The following SYT8 variants were observed in gnomAD, a reference collection of about 807,000 sequenced individuals.
SYT8 encodes synaptotagmin-8.
Under a neutral mutation model 34.9 loss-of-function variants are expected in SYT8, and 50 were observed. The ratio of observed to expected loss-of-function variants is 1.43; its 90% CI spans 1.14 to 1.81. SYT8 has a LOEUF of 1.81. SYT8 is among the 40% of genes most tolerant of loss of function. The pLI is 0.00. For synonymous variants in SYT8, 255 were observed against 234.2 expected, an observed-to-expected ratio of 1.09 and a Z score of -0.81; for missense variants, 595 against 529.0, an observed-to-expected ratio of 1.12 and a Z score of -1.22.
chr11:1,837,516 C>G lies in SYT8; in HGVS notation c.*85C>G. On this transcript the variant is annotated 3_prime_UTR_variant, in exon 8 of 8. Coordinates refer to ENST00000341958, the MANE Select transcript of SYT8 (RefSeq NM_001394072.1). ...GGACCACTGCAATAAACGCCTTCTC[C>G]TGCCACTGTGTGTCCGGCTGGAGCC... 1 of 1,546,630 alleles carries G rather than the reference C, an allele frequency of 6.5e-7. No homozygotes were observed. The highest frequency in any genetic ancestry group is 8.7e-7 in the Non-Finnish European group (1 of 1,148,718).
chr11:1,831,910 C>T (rs957854086), upstream of SYT8: 29 of 371,530 alleles, frequency 7.8e-5, no homozygotes, highest in African/African-American at 5.7e-4. Context: ...AGAGCATTTA[C>T]ACCTGGGGGG....
Position 1,835,357 on chromosome 11 carries a change from C to T in SYT8, c.156C>T (p.Leu52=), listed in dbSNP as rs752868482. The T allele has an allele frequency of 3.5e-5, 56 of 1,607,268 alleles. No homozygotes were observed. Among genetic ancestry groups the T allele is most frequent in the Non-Finnish European group, 4.6e-5 (54 of 1,179,012 alleles). Reference sequence around the variant, plus strand: ...CGGGCGTCCTCCTCGTCTCCTGCCTCCTCTGTGCTGCCTGCTGCTGCTGCC... The same window carrying T: ...CGGGCGTCCTCCTCGTCTCCTGCCTTCTCTGTGCTGCCTGCTGCTGCTGCC... ...LAAGVLLVSC[L]LCAACCCCRR... The change falls in exon 2 of 8, where the codon CTC becomes CTT. Residue 52 remains leucine (L), a synonymous_variant. Coordinates refer to ENST00000341958, the MANE Select transcript of SYT8 (RefSeq NM_001394072.1).
upstream of SYT8, chr11:1,834,833 C>T (rs891055376): frequency 3.1e-6 from 2 of 642,422 alleles, no homozygotes. The surrounding 1 kb of genome is among the most constrained non-coding windows in gnomAD (Gnocchi z 4.5). Flanking sequence ...GCCCTGCCTG[C>T]TTGGCTGGGG....
Position 1,836,202 on chromosome 11 carries a change from C to T in SYT8, c.434C>T (p.Ser145Phe). The T allele has an allele frequency of 6.3e-7, 1 of 1,586,336 alleles. No homozygotes were observed. The highest frequency in any genetic ancestry group is 8.6e-7 in the Non-Finnish European group (1 of 1,167,932). Residue 145 changes from serine (S) to phenylalanine (F), a missense_variant, in exon 4 of 8, where the codon TCC (serine) becomes TTC (phenylalanine). Ser to Phe is a radical substitution (Grantham distance 155, BLOSUM62 -2). Transcript: ENST00000341958. ...GACCCCTATGCCCGGGTCAGCGTCTCCACCCAGGCCGGACACAGACATGAG... is the reference window on the plus strand; with the variant it reads ...GACCCCTATGCCCGGGTCAGCGTCTTCACCCAGGCCGGACACAGACATGAG... ...TVDPYARVSV[S>F]TQAGHRHETK...
rs763705252 is a variant in SYT8 at position 1,836,577 on chromosome 11, G to A, written c.669G>A (p.Pro223=). 1.4e-5 allele frequency: 22 copies of A among 1,610,720 alleles called. No homozygotes were observed. The highest frequency in any genetic ancestry group is 5.3e-5 in the African/African-American group (4 of 74,918). The part of the protein sequence containing the change: ...HVLEHWYLLG[P]PAATQPEQVG... Reference sequence around the variant, plus strand: ...TGGAGCACTGGTACCTGCTGGGCCCGCCGGCTGCCACTCAGGTGAGGTGCT... The same window carrying A: ...TGGAGCACTGGTACCTGCTGGGCCCACCGGCTGCCACTCAGGTGAGGTGCT... The change falls in exon 5 of 8, where the codon CCG becomes CCA. Residue 223 remains proline, a synonymous_variant. Coordinates refer to ENST00000341958, the MANE Select transcript of SYT8 (RefSeq NM_001394072.1).
At chr11:1,836,690 G>A (rs1005849755) in intron 5 of SYT8, 66 bp from the exon 6 acceptor site, 54 of 1,592,736 alleles carry the variant, frequency 3.4e-5, no homozygotes, top group Non-Finnish European at 4.1e-5. Context: ...CAGCATTTTC[G>A]GGGGTCTGAG....
chr11:1,836,174 G>T lies in SYT8; in HGVS notation c.406G>T (p.Val136Leu). ...QAADLRPGGT[V>L]DPYARVSVST... Reference sequence around the variant, plus strand: ...AGCCGACCTGAGGCCTGGGGGCACCGTGGACCCCTATGCCCGGGTCAGCGT... The same window carrying T: ...AGCCGACCTGAGGCCTGGGGGCACCTTGGACCCCTATGCCCGGGTCAGCGT... Residue 136 changes from valine to leucine, a missense_variant, in exon 4 of 8, where the codon GTG becomes TTG. By Grantham distance (32) the Val-to-Leu change is conservative (BLOSUM62 1). Transcript: ENST00000341958. 1.9e-6 allele frequency: 3 copies of T among 1,549,776 alleles called. No individual in the cohort carries two copies. Among genetic ancestry groups the T allele is most frequent in the South Asian group, 1.2e-5 (1 of 82,300 alleles).
In SYT8 at chr11:1,837,176, G is replaced by T. The variant is rs778399361; in HGVS notation, c.925-16G>T. The T allele has an allele frequency of 3.0e-5, 47 of 1,583,398 alleles. No individual in the cohort carries two copies. In the East Asian group the frequency reaches 9.4e-4, roughly 32 times the overall value. On this transcript the variant is annotated splice_polypyrimidine_tract_variant and intron_variant, in intron 7 of 7. Transcript: ENST00000341958. ...CTTTCTCCCCCAACTCCAACCTCTG[G>T]CCTGTCTCTGCACAGAATGTGGACC...
upstream of SYT8, chr11:1,834,445 C>A: frequency 8.1e-6 from 7 of 868,806 alleles, no homozygotes; most frequent in Non-Finnish European, 1.1e-5. This position sits in a 1 kb window ranked among gnomAD's most constrained non-coding sequence, Gnocchi z 4.5. Context: ...CGGCCCTGAG[C>A]CCCTGCCAGG....
chr11:1,836,181 C>A lies in SYT8; in HGVS notation c.413C>A (p.Pro138His). ...ADLRPGGTVD[P>H]YARVSVSTQA... ...CTGAGGCCTGGGGGCACCGTGGACCCCTATGCCCGGGTCAGCGTCTCCACC... is the reference window on the plus strand; with the variant it reads ...CTGAGGCCTGGGGGCACCGTGGACCACTATGCCCGGGTCAGCGTCTCCACC... Residue 138 changes from proline (P) to histidine (H), a missense_variant, in exon 4 of 8, where the codon CCC becomes CAC. By Grantham distance (77) the Pro-to-His change is moderately conservative (BLOSUM62 -2). Coordinates refer to ENST00000341958, the MANE Select transcript of SYT8 (RefSeq NM_001394072.1). The A allele has an allele frequency of 6.4e-7, 1 of 1,567,884 alleles. No homozygotes were observed. Among genetic ancestry groups the A allele is most frequent in the South Asian group, 1.2e-5 (1 of 84,698 alleles).
upstream of SYT8, among the ~76,000 whole-genome samples, chr11:1,832,770 C>T (rs1335452016): frequency 1.3e-5 from 2 of 152,188 alleles, no homozygotes; most frequent in African/African-American, 4.8e-5. Flanking sequence ...TTCTGGGTGG[C>T]CCCTGTGCTC....
chr11:1,835,924 G>T lies in SYT8; in HGVS notation c.297G>T (p.Gly99=), dbSNP rs751150879. The change falls in exon 3 of 8, where the codon GGG becomes GGT. Residue 99 remains glycine (G), a synonymous_variant. Transcript: ENST00000341958. ...PDVDGLESSP[G]DAQQWGCLQL... ...TGGATGGCCTGGAGTCCAGCCCGGGGGATGCTCAGCAATGGGGGTGCCTGC... is the reference window on the plus strand; with the variant it reads ...TGGATGGCCTGGAGTCCAGCCCGGGTGATGCTCAGCAATGGGGGTGCCTGC... 13 of 1,607,792 alleles carry T rather than the reference G, an allele frequency of 8.1e-6. No homozygotes were observed. Among genetic ancestry groups the T allele is most frequent in the Non-Finnish European group, 1.1e-5 (13 of 1,178,352 alleles).
In SYT8 at chr11:1,836,952, C is replaced by T; in HGVS notation, c.791-5C>T. On this transcript the variant is annotated splice_region_variant and splice_polypyrimidine_tract_variant and intron_variant, in intron 6 of 7. Coordinates refer to ENST00000341958, the MANE Select transcript of SYT8 (RefSeq NM_001394072.1). ...GATGCCCCTTCGGCAACCTTGCCCT[C>T]CCAGAGCCCTACGTGAAGGTCCAGC... 6.2e-7 allele frequency: 1 copy of T among 1,613,552 alleles called. No homozygotes were observed. Among genetic ancestry groups the T allele is most frequent in the South Asian group, 1.1e-5 (1 of 91,078 alleles).
upstream of SYT8, among the ~76,000 whole-genome samples, chr11:1,832,547 A>C (rs1029933438): frequency 2.9e-4 from 44 of 152,146 alleles, no homozygotes; most frequent in African/African-American, 1.1e-3. Context: ...GAGAGCCCCC[A>C]GCGCCCAAGG....
upstream of SYT8, among the ~76,000 whole-genome samples, chr11:1,832,727 C>T (rs1258815266): frequency 6.6e-6 from 1 of 152,132 alleles, no homozygotes; most frequent in Non-Finnish European, 1.5e-5. Flanking sequence ...CGGCAGCCAG[C>T]GCCCCCAGGG....
upstream of SYT8, chr11:1,831,973 G>C: frequency 5.6e-6 from 2 of 355,826 alleles, no homozygotes; most frequent in South Asian, 2.0e-5. Context: ...AAGGGCTCAC[G>C]GAAAGGTGTT....
intron 5 of SYT8, 33 bp downstream of exon 5, chr11:1,836,625 G>T: frequency 6.2e-7 from 1 of 1,603,710 alleles, no homozygotes; most frequent in East Asian, 2.2e-5. Flanking sequence ...ACAGCCCAAG[G>T]CAGAGCTGGC....
rs1353864623 is a variant in SYT8 at position 1,837,066 on chromosome 11, C to T, written c.900C>T (p.Phe300=). ...CCTACTTCAATGAGGCCTTCACCTT[C>T]CTGGTGCCCTTCAGCCAGGTCCAGG... ...AAPYFNEAFT[F]LVPFSQVQNV... Residue 300 remains phenylalanine, a synonymous_variant, in exon 7 of 8, where the codon TTC becomes TTT. Transcript: ENST00000341958. 1 of 1,613,712 alleles carries T rather than the reference C, an allele frequency of 6.2e-7. No homozygotes were observed. Among genetic ancestry groups the T allele is most frequent in the Non-Finnish European group, 8.5e-7 (1 of 1,180,026 alleles).
upstream of SYT8, chr11:1,834,067 A>G (rs1284179227): frequency 1.8e-5 from 3 of 163,570 alleles, no homozygotes; most frequent in African/African-American, 4.8e-5. This position sits in a 1 kb window ranked among gnomAD's most constrained non-coding sequence, Gnocchi z 4.5. Flanking sequence ...GCCAATGTGG[A>G]GGAACAGAGT....
Sources: gnomAD v4.1 joint callset for allele counts (sites outside exome capture counted in the v4.1 genomes callset) on GRCh38, gnomAD v4.1.1 for gene constraint, Gnocchi (gnomAD v3.1) non-coding constraint, MANE v1.5 for transcripts, NCBI Gene and HGNC (gene_info 2026-07-23, HGNC 2026-07-21) for gene names.